TEX36: variants seen among roughly 807,000 people sequenced by gnomAD.
The protein encoded by TEX36 is testis expressed 36.
In TEX36, 12 loss-of-function variants were observed where a neutral mutation model predicts 13.6. The ratio of observed to expected loss-of-function variants is 0.88; its 90% CI spans 0.56 to 1.43. The LOEUF is 1.43. Among genes scored for constraint, TEX36 ranks in the 40% most tolerant of loss-of-function variants. The probability of loss-of-function intolerance (pLI) is 0.00; values close to 1 mark genes in which losing one functional copy is unlikely to be tolerated. For synonymous variants in TEX36, 93 were observed against 83.0 expected, an observed-to-expected ratio of 1.12 and a Z score of -0.65; for missense variants, 224 against 228.3, an observed-to-expected ratio of 0.98 and a Z score of 0.12.
chr10:125,609,555 A>G (rs1027556054), intron 3 of TEX36, among the ~76,000 whole-genome samples: 10 of 152,180 alleles, frequency 6.6e-5, no homozygotes, highest in Non-Finnish European at 1.0e-4. Context: ...TTCTTTTTCC[A>G]GCTGCTTAAT....
At chr10:125,681,332 A>G (rs189236107) in intron 1 of TEX36, among the ~76,000 whole-genome samples, 69 of 152,350 alleles carry the variant, frequency 4.5e-4, no homozygotes, top group African/African-American at 1.6e-3. Context: ...TGGTTAAGAC[A>G]CTGTAGTCAC....
At chr10:125,607,327 G>A (rs778871479) in intron 3 of TEX36, among the ~76,000 whole-genome samples, 1 of 152,228 alleles carries the variant, frequency 6.6e-6, no homozygotes, top group Non-Finnish European at 1.5e-5. Context: ...CAATATTTAT[G>A]AGGCTGGTTG....
intron 3 of TEX36, among the ~76,000 whole-genome samples, chr10:125,640,674 G>A (rs184907680): frequency 2.6e-3 from 397 of 152,222 alleles, no homozygotes; most frequent in Non-Finnish European, 4.2e-3. Flanking sequence ...GTGTGTTTGG[G>A]AAGTGTCAGG....
At chr10:125,612,489 G>C (rs748215895) in intron 3 of TEX36, among the ~76,000 whole-genome samples, 1 of 152,104 alleles carries the variant, frequency 6.6e-6, no homozygotes, top group Admixed American at 6.6e-5. Flanking sequence ...ATTTAGCTCA[G>C]CTAATATACA....
At chr10:125,611,479 T>A (rs1475616429) in intron 3 of TEX36, among the ~76,000 whole-genome samples, 1 of 152,218 alleles carries the variant, frequency 6.6e-6, no homozygotes, top group Non-Finnish European at 1.5e-5. Context: ...ATTTTTTAGA[T>A]GTTTATTGGC....
chr10:125,670,153 T>A (rs1332960779), intron 1 of TEX36, among the ~76,000 whole-genome samples: 5 of 152,248 alleles, frequency 3.3e-5, no homozygotes, highest in Non-Finnish European at 7.3e-5. Flanking sequence ...TGGTTCTAAG[T>A]CTTTGAGGAA....
At chr10:125,677,481 C>T (rs1847329112) in intron 1 of TEX36, among the ~76,000 whole-genome samples, 1 of 152,134 alleles carries the variant, frequency 6.6e-6, no homozygotes. Context: ...CTGATCAAGT[C>T]TATTGTTGAA....
At chr10:125,591,897 T>G (rs1014918905) in intron 3 of TEX36, among the ~76,000 whole-genome samples, 5 of 152,278 alleles carry the variant, frequency 3.3e-5, no homozygotes, top group South Asian at 2.1e-4. Context: ...ATTTCACAAG[T>G]CTGTGAGCGT....
intron 3 of TEX36, among the ~76,000 whole-genome samples, chr10:125,610,918 C>T (rs78235819): frequency 0.042 from 6,372 of 152,194 alleles, 234 homozygotes; most frequent in South Asian, 0.16. Flanking sequence ...GAATTATCCA[C>T]CCATTGCCTC....
intron 3 of TEX36, among the ~76,000 whole-genome samples, chr10:125,590,296 T>C (rs952845892): frequency 6.6e-6 from 1 of 152,020 alleles, no homozygotes; most frequent in Non-Finnish European, 1.5e-5. Flanking sequence ...AAAAAAATTT[T>C]TGTAGAGAGA....
chr10:125,644,907 C>T (rs1846744703), intron 3 of TEX36, among the ~76,000 whole-genome samples: 1 of 152,190 alleles, frequency 6.6e-6, no homozygotes, highest in African/African-American at 2.4e-5. Flanking sequence ...AGGCATTCCA[C>T]TCAAGGTTTT....
chr10:125,663,742 T>C (rs1221531903), intron 1 of TEX36, among the ~76,000 whole-genome samples: 2 of 152,228 alleles, frequency 1.3e-5, no homozygotes, highest in Non-Finnish European at 2.9e-5. Context: ...AGTAGCTGTA[T>C]ATATTTATGG....
At chr10:125,639,817 C>A (rs1377514219) in intron 3 of TEX36, among the ~76,000 whole-genome samples, 1 of 152,168 alleles carries the variant, frequency 6.6e-6, no homozygotes, top group Admixed American at 6.5e-5. Flanking sequence ...TTTGGAGGAA[C>A]AATAAGATTT....
chr10:125,576,538 G>T (rs1295871359), exon 4 of TEX36: 8 of 615,048 alleles, frequency 1.3e-5, no homozygotes, highest in Non-Finnish European at 2.2e-5. Context: ...CTGCCAGGGA[G>T]ATAGCCCTAT....
chr10:125,623,957 C>A (rs1460465477), intron 3 of TEX36, among the ~76,000 whole-genome samples: 1 of 152,136 alleles, frequency 6.6e-6, no homozygotes, highest in Non-Finnish European at 1.5e-5. Context: ...CACGTGTGAG[C>A]GTTAGTGGGA....
intron 1 of TEX36, chr10:125,667,538 T>C: frequency 1.4e-6 from 1 of 736,474 alleles, no homozygotes. Context: ...ATCCTTCTTG[T>C]ACTGGGCACA....
At chr10:125,633,525 C>A (rs983262223) in intron 3 of TEX36, among the ~76,000 whole-genome samples, 2 of 152,184 alleles carry the variant, frequency 1.3e-5, no homozygotes, top group Non-Finnish European at 2.9e-5. Flanking sequence ...AGAGGGAAAA[C>A]GATTTCCCCA....
chr10:125,634,525 A>G (rs189773847), intron 3 of TEX36, among the ~76,000 whole-genome samples: 4 of 152,298 alleles, frequency 2.6e-5, no homozygotes, highest in Admixed American at 2.6e-4. Flanking sequence ...CCCTGTGATC[A>G]CAGCTATTAA....
intron 3 of TEX36, among the ~76,000 whole-genome samples, chr10:125,638,572 T>A (rs1277559758): frequency 6.6e-6 from 1 of 152,238 alleles, no homozygotes; most frequent in Non-Finnish European, 1.5e-5. Context: ...AATAAGTTTA[T>A]GTTGTTGTAA....
Sources: gnomAD v4.1 joint callset for allele counts (sites outside exome capture counted in the v4.1 genomes callset) on GRCh38, gnomAD v4.1.1 for gene constraint, MANE v1.5 for transcripts, NCBI Gene and HGNC (gene_info 2026-07-23, HGNC 2026-07-21) for gene names.